The following CFAP44 variants were observed in gnomAD, a reference collection of about 807,000 sequenced individuals.
CFAP44 encodes the protein cilia and flagella associated protein 44, also known as cilia- and flagella-associated protein 44.
A neutral mutation model predicts 216.2 loss-of-function variants in CFAP44; 134 were observed. The observed-to-expected ratio is 0.62, with a 90% CI of 0.54 to 0.72. CFAP44 has a LOEUF of 0.72. CFAP44 is among the 30% of genes least tolerant of loss of function. CFAP44 has a pLI of 0.00. For synonymous variants in CFAP44, 700 were observed against 727.6 expected (o/e 0.96, Z 0.61); for missense variants, 2,035 against 2,182.1 (o/e 0.93, Z 1.34).
intron 15 of CFAP44, among the ~76,000 whole-genome samples, chr3:113,388,827 C>A (rs1040309472): frequency 2.0e-5 from 3 of 152,138 alleles, no homozygotes; most frequent in African/African-American, 7.2e-5. Context: ...AAGGATATAA[C>A]AATTGTAAAT....
At chr3:113,439,520 C>T (rs1010990038) in intron 1 of CFAP44, among the ~76,000 whole-genome samples, 1 of 152,128 alleles carries the variant, frequency 6.6e-6, no homozygotes, top group Non-Finnish European at 1.5e-5. Flanking sequence ...TTCATTATTC[C>T]TTTAAAACCC....
chr3:113,391,206 C>G (rs1933829730), intron 15 of CFAP44, among the ~76,000 whole-genome samples: 1 of 152,068 alleles, frequency 6.6e-6, no homozygotes, highest in South Asian at 2.1e-4. Flanking sequence ...ACGATGAGCT[C>G]ATTTTTGACA....
chr3:113,335,688 CAAAGAGAGAAAGGCA>C (rs1950276228), intron 24 of CFAP44, among the ~76,000 whole-genome samples: 1 of 152,112 alleles, frequency 6.6e-6, no homozygotes, highest in Non-Finnish European at 1.5e-5. Context: ...AATCATGCTT[CAAAGAGAGAAAGGCA>C]TAGAAGATAT....
chr3:113,308,160 G>T lies in CFAP44; in HGVS notation c.4625C>A (p.Thr1542Lys), dbSNP rs1188181439. 6.5e-7 allele frequency: 1 copy of T among 1,531,872 alleles called. No homozygotes were observed. The highest frequency in any genetic ancestry group is 2.0e-5 in the Admixed American group (1 of 49,762). 94.9% of individuals were successfully genotyped at this position (1,531,872 alleles called of 1,614,324 possible). A position where few individuals can be genotyped will look rare whatever the true frequency, so the allele number is the denominator to read the frequency against. The change falls in exon 29 of 35, where the codon ACA becomes AAA. Residue 1542 changes from threonine (T) to lysine (K), a missense_variant and splice_region_variant. Around this residue, in one of 3 missense-constraint regions of CFAP44, gnomAD observed 1,883 missense variants for 2,023.7 expected, o/e 0.93. Transcript: ENST00000393845. ...DEVFDDSICPTNCDVALFELA... is the reference protein window; with the variant it reads ...DEVFDDSICPKNCDVALFELA... ...ACACGTGGTTTTATCTAACTTACTT[G>T]TTGGGCAAATAGAATCATCAAAAAC...
rs775091254 is a variant in CFAP44, at chr3:113,400,571, T to C, written c.1448A>G (p.Tyr483Cys). 8.7e-6 allele frequency: 14 copies of C among 1,608,572 alleles called. No individual in the cohort carries two copies. Among genetic ancestry groups the C allele is most frequent in the South Asian group, 1.1e-5 (1 of 90,284 alleles). The change falls in exon 12 of 35, where the codon TAT (tyrosine) becomes TGT (cysteine). Residue 483 changes from tyrosine to cysteine, a missense_variant. By Grantham distance (194) the Tyr-to-Cys change is radical. Coordinates refer to ENST00000393845, the MANE Select transcript of CFAP44 (RefSeq NM_001164496.2). ...IEAVAVSPLT[Y>C]LMATTALDCS... Reference sequence around the variant, plus strand: ...GTCCAAGGCAGTTGTGGCCATGAGATAAGTGAGAGGAGAAACAGCCACGGC... The same window carrying C: ...GTCCAAGGCAGTTGTGGCCATGAGACAAGTGAGAGGAGAAACAGCCACGGC...
chr3:113,393,201 C>G (rs113093882), intron 15 of CFAP44, among the ~76,000 whole-genome samples: 1 of 152,222 alleles, frequency 6.6e-6, no homozygotes, highest in African/African-American at 2.4e-5. Flanking sequence ...CAGTTACATA[C>G]AGTAATTTAC....
intron 1 of CFAP44, among the ~76,000 whole-genome samples, chr3:113,438,640 G>A (rs957186932): frequency 3.3e-5 from 5 of 152,150 alleles, no homozygotes; most frequent in Non-Finnish European, 7.3e-5. Context: ...GGGTAAGAGG[G>A]TGAGCACATT....
intron 2 of CFAP44, among the ~76,000 whole-genome samples, chr3:113,428,087 G>A (rs539944958): frequency 3.9e-5 from 6 of 152,314 alleles, no homozygotes; most frequent in South Asian, 4.1e-4. Context: ...CTTAGGATGC[G>A]TGTATTTGGA....
In CFAP44 at chr3:113,395,845, C is replaced by T. The variant is rs1933974600; in HGVS notation, c.1795G>A (p.Val599Ile). 1.2e-6 allele frequency: 2 copies of T among 1,613,002 alleles called. No individual in the cohort carries two copies. Among genetic ancestry groups the T allele is most frequent in the African/African-American group, 2.7e-5 (2 of 74,812 alleles). ...TCCCTTTCCACTTCAAAGAAGAAAACAGTTTGATCTTTACTCTAAGGAAAA... is the reference window on the plus strand; with the variant it reads ...TCCCTTTCCACTTCAAAGAAGAAAATAGTTTGATCTTTACTCTAAGGAAAA... Reference protein sequence around the residue: ...ILATGSKDQTVFFFEVERDYK... With the variant: ...ILATGSKDQTIFFFEVERDYK... Residue 599 changes from valine to isoleucine, a missense_variant, in exon 15 of 35, where the codon GTT (valine) becomes ATT (isoleucine). Val to Ile is a conservative substitution (Grantham distance 29). Around this residue, in one of 3 missense-constraint regions of CFAP44, gnomAD observed 1,883 missense variants for 2,023.7 expected, o/e 0.93. Transcript: ENST00000393845.
chr3:113,354,235 C>T (rs57417572), intron 22 of CFAP44, among the ~76,000 whole-genome samples: 9,493 of 152,218 alleles, frequency 0.062, 589 homozygotes, highest in African/African-American at 0.15. Flanking sequence ...AGACTCACAT[C>T]ATGAACTTTT....
chr3:113,360,948 AT>A (rs1227454850), intron 21 of CFAP44: 2 of 239,800 alleles, frequency 8.3e-6, no homozygotes, highest in Non-Finnish European at 1.7e-5. Context: ...AGGCAGTTGA[AT>A]TTGTTTTATC....
chr3:113,379,390 T>C lies in CFAP44; in HGVS notation c.2214A>G (p.Pro738=), dbSNP rs1398438709. The change falls in exon 17 of 35, where the codon CCA becomes CCG. Residue 738 remains proline, a synonymous_variant. Transcript: ENST00000393845. ...TTGACGGAATAAATATTTCAGGTAA[T>C]GGCTCTTCTTCCTCCTCCTCCTCCT... is the stretch of plus-strand genomic sequence containing the variant. ...EKEEEEEEEE[P]LPEIFIPSTP... The C allele has an allele frequency of 6.2e-7, 1 of 1,613,064 alleles. No individual in the cohort carries two copies. Among genetic ancestry groups the C allele is most frequent in the Admixed American group, 1.7e-5 (1 of 59,990 alleles).
intron 19 of CFAP44, among the ~76,000 whole-genome samples, chr3:113,365,287 C>A (rs1950576925): frequency 6.6e-6 from 1 of 152,150 alleles, no homozygotes; most frequent in Admixed American, 6.5e-5. Flanking sequence ...TTGACCTACT[C>A]ATATCTTCCC....
chr3:113,416,450 T>C (rs1335242286), intron 6 of CFAP44, 75 bp downstream of exon 6: 3 of 1,196,032 alleles, frequency 2.5e-6, no homozygotes, highest in Non-Finnish European at 3.6e-6. Context: ...CCTTGACTTA[T>C]GAAATAATGT....
intron 25 of CFAP44, among the ~76,000 whole-genome samples, chr3:113,331,195 G>T (rs193097305): frequency 6.6e-6 from 1 of 152,222 alleles, no homozygotes; most frequent in Admixed American, 6.5e-5. Flanking sequence ...CTGAATTTCA[G>T]TAGCATGTCA....
intron 15 of CFAP44, among the ~76,000 whole-genome samples, chr3:113,392,949 A>G (rs556260961): frequency 2.6e-5 from 4 of 152,280 alleles, no homozygotes; most frequent in South Asian, 2.1e-4. Context: ...CAGCTGCCCA[A>G]TAGATCCACC....
In CFAP44 at chr3:113,330,837, A is replaced by AT. The variant is rs202007639; in HGVS notation, c.3616-170dup. Among the ~76,000 whole-genome samples the AT allele has an allele frequency of 9.9e-3, 1,511 of 151,994 alleles. 27 individuals carry two copies. The highest frequency in any genetic ancestry group is 0.034 in the African/African-American group (1,429 of 41,474). On this transcript the variant is annotated intron_variant, in intron 25 of 34. Transcript: ENST00000393845. Reference sequence around the variant, plus strand: ...GTTTCCCTTTTCTTTAATATTGAGGATTTTTTCCATTTAGGCCCTCCAAGA... The same window carrying AT: ...GTTTCCCTTTTCTTTAATATTGAGGATTTTTTTCCATTTAGGCCCTCCAAGA...
In CFAP44 at chr3:113,396,691, C is replaced by G. The variant is rs778660581; in HGVS notation, c.1606G>C (p.Glu536Gln). 3 of 1,614,004 alleles carry G rather than the reference C, an allele frequency of 1.9e-6. No homozygotes were observed. The South Asian group carries it at 3.3e-5, about 18-fold the overall frequency. Residue 536 changes from glutamate (E) to glutamine (Q), a missense_variant, in exon 14 of 35, where the codon GAA becomes CAA. This residue lies in a region of CFAP44 where 1,883 missense variants were observed against 2,023.7 expected (regional missense o/e 0.93). Coordinates refer to ENST00000393845, the MANE Select transcript of CFAP44 (RefSeq NM_001164496.2). ...FTGAQIIVGF[E>Q]DGVVRILELY... ...TCAAGAATTCGAACAACTCCATCTT[C>G]AAATCCTACAATAATTTGTGCTCCA...
chr3:113,398,775 A>G (rs1934059732), intron 13 of CFAP44, among the ~76,000 whole-genome samples: 2 of 152,200 alleles, frequency 1.3e-5, no homozygotes, highest in Non-Finnish European at 2.9e-5. Context: ...ATTTCAACCC[A>G]AAATAGTAAA....
Sources: allele counts gnomAD v4.1 joint callset (sites outside exome capture counted in the v4.1 genomes callset), GRCh38; gene constraint gnomAD v4.1.1; regional missense constraint gnomAD v4.1.1; transcripts MANE v1.5; gene names NCBI Gene and HGNC (gene_info 2026-07-23, HGNC 2026-07-21).